Variants in LRIG1 observed in about 807,000 individuals in gnomAD.
LRIG1 encodes the protein leucine rich repeats and immunoglobulin like domains 1.
A neutral mutation model predicts 99.2 loss-of-function variants in LRIG1; 48 were observed. The ratio of observed to expected loss-of-function variants is 0.48; its 90% CI spans 0.38 to 0.62. LRIG1 has a LOEUF of 0.62. LRIG1 is among the 20% of genes least tolerant of loss of function. LRIG1 has a pLI of 0.00. For synonymous variants in LRIG1, 772 were observed against 596.1 expected (o/e 1.29, Z -4.30); for missense variants, 1,646 against 1,434.4 (o/e 1.15, Z -2.38).
intron 1 of LRIG1, among the ~76,000 whole-genome samples, chr3:66,485,530 C>T (rs1171220629): frequency 6.6e-6 from 1 of 152,182 alleles, no homozygotes; most frequent in Non-Finnish European, 1.5e-5. Context: ...AATTATCTAA[C>T]GATTCATCAG....
intron 3 of LRIG1, among the ~76,000 whole-genome samples, chr3:66,438,457 TC>T (rs1703434443): frequency 6.6e-6 from 1 of 152,054 alleles, no homozygotes. Context: ...AACCAGCCCC[TC>T]TCCTTACAGG....
chr3:66,490,632 C>T (rs1701080657), intron 1 of LRIG1, among the ~76,000 whole-genome samples: 1 of 91,200 alleles, frequency 1.1e-5, no homozygotes, highest in Admixed American at 1.4e-4. Flanking sequence ...CTAAGCTTTT[C>T]TGCCCCATAA....
intron 13 of LRIG1, 93 bp from the exon 14 acceptor site, chr3:66,384,365 A>AGTGCCAGT (rs1320978230): frequency 1.1e-4 from 147 of 1,350,324 alleles, no homozygotes; most frequent in Non-Finnish European, 1.5e-4. Context: ...CACTGTGCCC[A>AGTGCCAGT]GTGCCAGTTC....
rs776878814 is a variant in LRIG1, at chr3:66,381,603, A to G, written c.2646T>C (p.Phe882=). 1.2e-6 allele frequency: 2 copies of G among 1,614,034 alleles called. No homozygotes were observed. Among genetic ancestry groups the G allele is most frequent in the South Asian group, 1.1e-5 (1 of 91,082 alleles). Residue 882 remains phenylalanine (F), a synonymous_variant, in exon 17 of 19, where the codon TTT becomes TTC. Transcript: ENST00000273261. ...CAACGCTGTGAGTGTCGGGCTCTGG[A>G]AAGTGGCTTGCATCTCTTGGACACA... ...NGVCPRDASH[F]PEPDTHSVAC...
intron 8 of LRIG1, 136 bp downstream of exon 8, chr3:66,407,212 C>G: frequency 1.2e-6 from 1 of 855,428 alleles, no homozygotes. Context: ...TGAGACTCTG[C>G]ACATAGAGCA....
At chr3:66,407,115 G>C (rs1404567202) in intron 8 of LRIG1, among the ~76,000 whole-genome samples, 2 of 152,062 alleles carry the variant, frequency 1.3e-5, no homozygotes, top group Non-Finnish European at 2.9e-5. Flanking sequence ...CTTTTTAGGA[G>C]CTGCCATCCC....
intron 3 of LRIG1, among the ~76,000 whole-genome samples, chr3:66,441,837 C>A (rs1256980002): frequency 2.0e-5 from 3 of 152,222 alleles, no homozygotes; most frequent in Admixed American, 1.3e-4. Flanking sequence ...ATAACAGGAT[C>A]CAACTTTGAT....
intron 5 of LRIG1, among the ~76,000 whole-genome samples, chr3:66,414,352 A>G (rs143692200): frequency 0.01 from 1,571 of 152,146 alleles, 24 homozygotes; most frequent in Non-Finnish European, 6.9e-3. Flanking sequence ...AGCTGAGATC[A>G]CACCACTGCA....
chr3:66,470,256 C>T (rs1204578836), intron 1 of LRIG1, among the ~76,000 whole-genome samples: 4 of 152,132 alleles, frequency 2.6e-5, no homozygotes, highest in African/African-American at 7.2e-5. Flanking sequence ...CTTCCCAGCC[C>T]GAGATCTGAG....
chr3:66,383,265 A>T lies in LRIG1; in HGVS notation c.2208T>A (p.Thr736=). Residue 736 remains threonine (T), a synonymous_variant, in exon 15 of 19, where the codon ACT becomes ACA. Transcript: ENST00000273261. ...TGTCAGGGGTCAAGTGGTGCCGCTCAGTGAGGCTCAGCGGGCGGTCCCCCT... is the reference window on the plus strand; with the variant it reads ...TGTCAGGGGTCAAGTGGTGCCGCTCTGTGAGGCTCAGCGGGCGGTCCCCCT... ...WFKGDRPLSL[T]ERHHLTPDNQ... is the part of the protein sequence containing the mutation. 1.9e-6 allele frequency: 3 copies of T among 1,614,062 alleles called. No individual in the cohort carries two copies. Among genetic ancestry groups the T allele is most frequent in the Non-Finnish European group, 2.5e-6 (3 of 1,179,886 alleles).
chr3:66,472,374 A>G (rs546457765), intron 1 of LRIG1, among the ~76,000 whole-genome samples: 3 of 151,814 alleles, frequency 2.0e-5, no homozygotes, highest in South Asian at 2.1e-4. Context: ...CAAACTAACA[A>G]GGAAAGCTTC....
Position 66,500,215 on chromosome 3 carries a change from C to T in LRIG1, c.193G>A (p.Asp65Asn). Reference sequence around the variant, plus strand: ...AGGCTCCGCGTCCAGGAGGGCAGGTCCCCGGGCAACGCAGCCAGCCCGCGC... The same window carrying T: ...AGGCTCCGCGTCCAGGAGGGCAGGTTCCCGGGCAACGCAGCCAGCCCGCGC... ...GGRGLAALPG[D>N]LPSWTRSLNL... is the part of the protein sequence containing the mutation. The change falls in exon 1 of 19, where the codon GAC (aspartate) becomes AAC (asparagine). Residue 65 changes from aspartate to asparagine, a missense_variant. Physicochemically the swap from Asp to Asn is conservative, Grantham distance 23. Coordinates refer to ENST00000273261, the MANE Select transcript of LRIG1 (RefSeq NM_015541.3). The T allele has an allele frequency of 2.0e-6, 3 of 1,514,438 alleles. No homozygotes were observed. Among genetic ancestry groups the T allele is most frequent in the Non-Finnish European group, 2.6e-6 (3 of 1,137,934 alleles). The allele number at this position is 1,514,438 out of a possible 1,614,324, so 93.8% of individuals were successfully genotyped here. A position where few individuals can be genotyped will look rare whatever the true frequency, so the allele number is the denominator to read the frequency against.
intron 3 of LRIG1, among the ~76,000 whole-genome samples, chr3:66,420,184 CAT>C (rs1702757664): frequency 6.6e-6 from 1 of 152,164 alleles, no homozygotes; most frequent in Admixed American, 6.5e-5. Flanking sequence ...CCAAGAAGCA[CAT>C]GAGAAGATGA....
rs761968243 is a variant in LRIG1 at position 66,500,303 on chromosome 3, G to T, written c.105C>A (p.Ala35=). 4.8e-6 allele frequency: 7 copies of T among 1,472,886 alleles called. No homozygotes were observed. The South Asian group carries it at 9.0e-5, about 19-fold the overall frequency. The allele number at this position is 1,472,886 out of a possible 1,614,324, so 91.2% of individuals were successfully genotyped here. ...LLRLEPVTAA[A]GPRAPCAAAC... ...CGGCCGCGCAGGGCGCCCGCGGGCC[G>T]GCCGCGGCGGTCACCGGCTCCAGCC... Residue 35 remains alanine (A), a synonymous_variant, in exon 1 of 19, where the codon GCC becomes GCA. Coordinates refer to ENST00000273261, the MANE Select transcript of LRIG1 (RefSeq NM_015541.3).
At chr3:66,461,563 T>C (rs894760411) in intron 2 of LRIG1, among the ~76,000 whole-genome samples, 42 of 152,274 alleles carry the variant, frequency 2.8e-4, no homozygotes, top group Non-Finnish European at 3.4e-4. Context: ...AATGTACAGT[T>C]TGATCCTAAA....
chr3:66,416,768 T>C (rs1355841401), intron 4 of LRIG1, among the ~76,000 whole-genome samples: 1 of 152,104 alleles, frequency 6.6e-6, no homozygotes, highest in Non-Finnish European at 1.5e-5. Flanking sequence ...CCTCCCTGAA[T>C]CTCCTCTGGA....
chr3:66,457,577 C>A (rs1178508958), intron 2 of LRIG1, among the ~76,000 whole-genome samples: 2 of 152,212 alleles, frequency 1.3e-5, no homozygotes, highest in Non-Finnish European at 2.9e-5. Context: ...GAGCCTCTCG[C>A]ATGTGCAAGG....
chr3:66,385,526 C>G (rs978660836), intron 13 of LRIG1, among the ~76,000 whole-genome samples: 2 of 152,118 alleles, frequency 1.3e-5, no homozygotes, highest in African/African-American at 4.8e-5. Context: ...GATCTCGGCT[C>G]ACTGCAACGT....
rs531259260 is a variant in LRIG1, at chr3:66,485,697, A to G, written c.218+14493T>C. Among the ~76,000 whole-genome samples, 9 of 152,376 alleles carry G rather than the reference A, an allele frequency of 5.9e-5. No homozygotes were observed. The South Asian group carries it at 1.4e-3, about 25-fold the overall frequency. On this transcript the variant is annotated intron_variant, in intron 1 of 18. Transcript: ENST00000273261. ...GAAACCAAAGGAACATGGAACAGGA[A>G]CACAAACCACAACCTAACAGAAACA...
Sources: allele counts gnomAD v4.1 joint callset (sites outside exome capture counted in the v4.1 genomes callset), GRCh38; gene constraint gnomAD v4.1.1; transcripts MANE v1.5; gene names NCBI Gene and HGNC (gene_info 2026-07-23, HGNC 2026-07-21).